LINGO2: variants seen among roughly 807,000 people sequenced by gnomAD.
LINGO2 encodes leucine-rich repeat and immunoglobulin-like domain-containing nogo receptor-interacting protein 2.
A neutral mutation model predicts 30.6 loss-of-function variants in LINGO2; 14 were observed. That is an observed-to-expected ratio of 0.46 (90% CI 0.30 to 0.72). The LOEUF (loss-of-function observed/expected upper bound fraction) is 0.72, where lower values mean the gene tolerates loss of function less well. Among genes scored for constraint, LINGO2 ranks in the 30% least tolerant of loss-of-function variants. The pLI is 0.07. For missense variants in LINGO2, 729 were observed against 751.7 expected, an observed-to-expected ratio of 0.97 and a Z score of 0.35; for synonymous variants, 317 against 288.5, an observed-to-expected ratio of 1.10 and a Z score of -1.00.
chr9:28,011,667 T>C (rs1287998019), intron 5 of LINGO2, among the ~76,000 whole-genome samples: 1 of 152,192 alleles, frequency 6.6e-6, no homozygotes. Context: ...ATATATTAGT[T>C]AGAAGCTTCA....
At chr9:28,755,242 A>G in the LINGO2 span, among the ~76,000 whole-genome samples, 1 of 152,076 alleles carries the variant, frequency 6.6e-6, no homozygotes, top group Admixed American at 6.5e-5. Flanking sequence ...GTACAAATAA[A>G]ACAAATTATT....
At chr9:28,528,441 G>A (rs924866633) in intron 1 of LINGO2, among the ~76,000 whole-genome samples, 2 of 152,074 alleles carry the variant, frequency 1.3e-5, no homozygotes, top group African/African-American at 4.8e-5. Flanking sequence ...TACACATGCT[G>A]GTTTAGTTAT....
chr9:28,282,589 T>C (rs575329368), intron 4 of LINGO2, among the ~76,000 whole-genome samples: 37 of 152,244 alleles, frequency 2.4e-4, no homozygotes, highest in Middle Eastern at 3.4e-3. Flanking sequence ...AAAAGTATCA[T>C]AAGTTATCTT....
chr9:28,397,543 C>CTTTTTTTTTTT (rs386414751), intron 2 of LINGO2, among the ~76,000 whole-genome samples: 2 of 110,004 alleles, frequency 1.8e-5, no homozygotes, highest in East Asian at 3.4e-4. Flanking sequence ...CAATAGATGT[C>CTTTTTTTTTTT]TTTTTTTTTT....
At chr9:28,554,184 A>T (rs1466497039) in intron 1 of LINGO2, among the ~76,000 whole-genome samples, 7 of 151,850 alleles carry the variant, frequency 4.6e-5, no homozygotes, top group Non-Finnish European at 1.0e-4. Flanking sequence ...AAATGCTCCA[A>T]TTAAAAGACA....
At chr9:28,558,561 A>G (rs1389528807) in intron 1 of LINGO2, among the ~76,000 whole-genome samples, 1 of 152,044 alleles carries the variant, frequency 6.6e-6, no homozygotes, top group African/African-American at 2.4e-5. Context: ...AGGAAAAGCA[A>G]CACAGAAGTC....
chr9:28,802,190 A>T, the LINGO2 span, among the ~76,000 whole-genome samples: 1 of 152,106 alleles, frequency 6.6e-6, no homozygotes, highest in East Asian at 1.9e-4. Flanking sequence ...TCAATGGCAT[A>T]TTTCCAACAA....
At chr9:28,611,311 C>G (rs1293745591) in intron 1 of LINGO2, among the ~76,000 whole-genome samples, 2 of 152,006 alleles carry the variant, frequency 1.3e-5, no homozygotes, top group Admixed American at 6.6e-5. Flanking sequence ...CTACCATAAT[C>G]AAGCTAATTA....
intron 1 of LINGO2, among the ~76,000 whole-genome samples, chr9:28,650,093 G>A (rs2135967631): frequency 6.6e-6 from 1 of 151,446 alleles, no homozygotes; most frequent in South Asian, 2.1e-4. Flanking sequence ...GTCTGATGAA[G>A]TGACTCACTG....
At chr9:28,851,515 T>C in the LINGO2 span, among the ~76,000 whole-genome samples, 2 of 152,036 alleles carry the variant, frequency 1.3e-5, no homozygotes, top group African/African-American at 4.8e-5. Context: ...GCAATATTAA[T>C]TTCTCTTTGC....
the LINGO2 span, among the ~76,000 whole-genome samples, chr9:28,949,911 A>C: frequency 6.6e-6 from 1 of 152,182 alleles, no homozygotes. Flanking sequence ...GCACATTAAA[A>C]AGTTTATCCA....
intron 4 of LINGO2, among the ~76,000 whole-genome samples, chr9:28,265,019 A>C (rs1405411616): frequency 6.6e-6 from 1 of 151,980 alleles, no homozygotes; most frequent in African/African-American, 2.4e-5. Flanking sequence ...CCTGACCTAC[A>C]GATTTAAAAC....
chr9:28,017,237 C>A lies in LINGO2; in HGVS notation c.-86-4832G>T, dbSNP rs574920871. 1.8e-3 allele frequency among the ~76,000 whole-genome samples: 280 copies of A among 152,278 alleles called. 3 individuals are homozygous for A. The highest frequency in any genetic ancestry group is 6.2e-3 in the African/African-American group (258 of 41,564). ...TGACAAACCCACAGCCAACATCATA[C>A]TGAACAGGCAAAAGCTGGAAACATT... is the stretch of plus-strand genomic sequence containing the variant. On this transcript the variant is annotated intron_variant, in intron 4 of 5. Transcript: ENST00000379992.
the LINGO2 span, among the ~76,000 whole-genome samples, chr9:29,092,914 A>G: frequency 2.2e-5 from 3 of 135,202 alleles, 1 homozygote; most frequent in African/African-American, 8.3e-5. Flanking sequence ...GATATATATC[A>G]TAACCTATTC....
the LINGO2 span, among the ~76,000 whole-genome samples, chr9:29,209,628 C>A: frequency 6.6e-6 from 1 of 152,128 alleles, no homozygotes. Context: ...CATATTCTCC[C>A]TTAATTTCCT....
At chr9:28,941,297 T>C in the LINGO2 span, among the ~76,000 whole-genome samples, 3 of 152,186 alleles carry the variant, frequency 2.0e-5, no homozygotes, top group African/African-American at 7.2e-5. Flanking sequence ...TAGATATGCA[T>C]ATTTAATTAT....
intron 1 of LINGO2, among the ~76,000 whole-genome samples, chr9:28,521,505 G>C (rs1820828458): frequency 6.6e-6 from 1 of 152,160 alleles, no homozygotes; most frequent in Non-Finnish European, 1.5e-5. Context: ...TGGTAGGCCT[G>C]TGGCAGCCAA....
chr9:28,401,786 C>T (rs909595259), intron 2 of LINGO2, among the ~76,000 whole-genome samples: 1 of 152,066 alleles, frequency 6.6e-6, no homozygotes, highest in Non-Finnish European at 1.5e-5. Flanking sequence ...TCCACAGCCT[C>T]GCCAGCATCT....
the LINGO2 span, among the ~76,000 whole-genome samples, chr9:28,817,337 TAA>T: frequency 6.6e-6 from 1 of 152,140 alleles, no homozygotes; most frequent in African/African-American, 2.4e-5. Flanking sequence ...TATGCAGAAA[TAA>T]AAATAGATTG....
Sources: allele counts gnomAD v4.1 joint callset (sites outside exome capture counted in the v4.1 genomes callset), GRCh38; gene constraint gnomAD v4.1.1; transcripts MANE v1.5; gene names NCBI Gene and HGNC (gene_info 2026-07-23, HGNC 2026-07-21).